The following CYFIP1 variants were observed in gnomAD, a reference collection of about 807,000 sequenced individuals.
CYFIP1 encodes cytoplasmic FMR1-interacting protein 1.
In CYFIP1, 58 loss-of-function variants were observed where a neutral mutation model predicts 163.5. The ratio of observed to expected loss-of-function variants is 0.35; its 90% CI spans 0.29 to 0.44. The LOEUF is 0.44. CYFIP1 is among the 20% of genes least tolerant of loss of function. The probability of loss-of-function intolerance (pLI) is 1.00; values close to 1 mark genes in which losing one functional copy is unlikely to be tolerated. For missense variants in CYFIP1, 1,338 were observed against 1,653.8 expected, an observed-to-expected ratio of 0.81 and a Z score of 3.31; for synonymous variants, 663 against 660.7, an observed-to-expected ratio of 1.00 and a Z score of -0.05.
chr15:22,910,549 C>T lies in CYFIP1; in HGVS notation c.2239G>A (p.Glu747Lys), dbSNP rs775125953. 1.5e-5 allele frequency: 24 copies of T among 1,613,978 alleles called. No homozygotes were observed. The highest frequency in any genetic ancestry group is 2.2e-5 in the East Asian group (1 of 44,900). Residue 747 changes from glutamate (E) to lysine (K), a missense_variant, in exon 20 of 31, where the codon GAG (glutamate) becomes AAG (lysine). Coordinates refer to ENST00000617928, the MANE Select transcript of CYFIP1 (RefSeq NM_014608.6). Reference sequence around the variant, plus strand: ...ACATGCCTCTGCTTCAGCAGCGTCTCGTAGCGGTTAGACGGCGGGAGGTGG... The same window carrying T: ...ACATGCCTCTGCTTCAGCAGCGTCTTGTAGCGGTTAGACGGCGGGAGGTGG... ...TIHLPPSNRY[E>K]TLLKQRHVQL...
chr15:22,938,086 C>T (rs780959886), intron 8 of CYFIP1, among the ~76,000 whole-genome samples: 13 of 152,192 alleles, frequency 8.5e-5, no homozygotes, highest in Non-Finnish European at 1.8e-4. Flanking sequence ...GGACACCCAG[C>T]AAAGGGTCCC....
At chr15:22,939,012 C>T (rs2061807335) in intron 8 of CYFIP1, among the ~76,000 whole-genome samples, 180 bp downstream of exon 8, 1 of 151,178 alleles carries the variant, frequency 6.6e-6, no homozygotes, top group African/African-American at 2.4e-5. Flanking sequence ...GTGTGACACA[C>T]TCATGGGGTG....
At chr15:22,919,492 A>G (rs908635652) in intron 13 of CYFIP1, among the ~76,000 whole-genome samples, 5 of 152,196 alleles carry the variant, frequency 3.3e-5, no homozygotes, top group African/African-American at 1.2e-4. Context: ...TTTGCCGTTT[A>G]TAAATATTTC....
chr15:22,965,036 TTG>T (rs56857768), intron 1 of CYFIP1, among the ~76,000 whole-genome samples: 4,327 of 149,222 alleles, frequency 0.029, 96 homozygotes, highest in African/African-American at 0.051. Context: ...TAGTATTCCA[TTG>T]TGTGTGTGTG....
rs766177290 is a variant in CYFIP1, at chr15:22,931,686, G to GAAAAAAAAA, written c.1110+528_1110+536dup. 1.7e-3 allele frequency among the ~76,000 whole-genome samples: 68 copies of GAAAAAAAAA among 39,706 alleles called. 10 individuals carry two copies. The highest frequency in any genetic ancestry group is 5.7e-3 in the African/African-American group (61 of 10,792). The allele number at this position is 39,706 out of a possible 152,430, so 26.0% of individuals were successfully genotyped here. On this transcript the variant is annotated intron_variant, in intron 11 of 30. Coordinates refer to ENST00000617928, the MANE Select transcript of CYFIP1 (RefSeq NM_014608.6). Reference sequence around the variant, plus strand: ...CTTGGGATCCCTATAATGTTTTTCTGAAAAAAAAAAAAAAAAAAAAAAAAG... The same window carrying GAAAAAAAAA: ...CTTGGGATCCCTATAATGTTTTTCTGAAAAAAAAAAAAAAAAAAAAAAAAAAAAAAAAAG...
At chr15:22,979,726 G>C (rs1255531404) in intron 1 of CYFIP1, among the ~76,000 whole-genome samples, 1 of 152,150 alleles carries the variant, frequency 6.6e-6, no homozygotes, top group African/African-American at 2.4e-5. Context: ...TAACGATCGC[G>C]CCTCCTTAAC....
intron 11 of CYFIP1, among the ~76,000 whole-genome samples, chr15:22,930,657 A>C (rs1011009005): frequency 6.6e-6 from 1 of 152,270 alleles, no homozygotes; most frequent in African/African-American, 2.4e-5. Context: ...AAAGGAAAAA[A>C]ACAAAAACTT....
rs1178133858 is a variant in CYFIP1, at chr15:22,868,463, T to C, written c.*1565A>G. ...AATTAAGCCTTATAAAACTTGGTAA[T>C]TGATTAAGTTTTACCATAATTTTTC... is the stretch of plus-strand genomic sequence containing the variant. On this transcript the variant is annotated 3_prime_UTR_variant, in exon 31 of 31. Coordinates refer to ENST00000617928, the MANE Select transcript of CYFIP1 (RefSeq NM_014608.6). 1 of 145,498 alleles carries C rather than the reference T, an allele frequency of 6.9e-6. No individual in the cohort carries two copies. Among genetic ancestry groups the C allele is most frequent in the Non-Finnish European group, 1.5e-5 (1 of 67,996 alleles). 9.0% of individuals were successfully genotyped at this position (145,498 alleles called of 1,614,324 possible).
chr15:22,918,883 C>A (rs745779821), intron 13 of CYFIP1, 25 bp from the exon 14 acceptor site: 22 of 1,558,156 alleles, frequency 1.4e-5, no homozygotes, highest in Non-Finnish European at 1.9e-5. Context: ...GCAACAGGGA[C>A]GGCCCTTCTT....
chr15:22,881,332 A>C (rs1430337135), intron 25 of CYFIP1, among the ~76,000 whole-genome samples: 1 of 152,224 alleles, frequency 6.6e-6, no homozygotes, highest in African/African-American at 2.4e-5. Flanking sequence ...CCTGTCATAC[A>C]ATTTTATGAG....
At chr15:22,896,840 A>G (rs1395332124) in intron 22 of CYFIP1, among the ~76,000 whole-genome samples, 1 of 152,012 alleles carries the variant, frequency 6.6e-6, no homozygotes, top group Non-Finnish European at 1.5e-5. Context: ...GGTTCTTGGC[A>G]TATCTAGTAA....
chr15:22,951,481 G>A lies in CYFIP1; in HGVS notation c.-6-4190C>T, dbSNP rs768744652. On this transcript the variant is annotated intron_variant, in intron 1 of 30. Transcript: ENST00000617928. ...CAGGCACCTCAGGGTGATGCCGCTC[G>A]GAGGGGCCAGGCTGCCTGAGGACGT... is the stretch of plus-strand genomic sequence containing the variant. 3.9e-6 allele frequency: 5 copies of A among 1,289,054 alleles called. No individual in the cohort carries two copies. The South Asian group carries it at 4.9e-5, about 13-fold the overall frequency. 79.9% of individuals were successfully genotyped at this position (1,289,054 alleles called of 1,614,324 possible). A position where few individuals can be genotyped will look rare whatever the true frequency, so the allele number is the denominator to read the frequency against.
At chr15:22,931,601 C>T (rs1825435643) in intron 11 of CYFIP1, among the ~76,000 whole-genome samples, 1 of 142,838 alleles carries the variant, frequency 7.0e-6, no homozygotes, top group South Asian at 2.2e-4. Flanking sequence ...TGCTTGGAAT[C>T]ACAGTACTAG....
At chr15:22,885,664 C>T (rs1188323747) in intron 23 of CYFIP1, among the ~76,000 whole-genome samples, 3 of 152,096 alleles carry the variant, frequency 2.0e-5, no homozygotes, top group Admixed American at 6.6e-5. Context: ...ACCTGGGAGG[C>T]GGAGGTTGCA....
At chr15:22,951,235 G>A (rs781436358) in intron 1 of CYFIP1, 28 of 852,350 alleles carry the variant, frequency 3.3e-5, no homozygotes, top group Non-Finnish European at 4.0e-5. Context: ...TCCCCGACAC[G>A]TAAGGGAACG....
At chr15:22,971,322 T>C (rs769265848) in intron 1 of CYFIP1, among the ~76,000 whole-genome samples, 1 of 152,082 alleles carries the variant, frequency 6.6e-6, no homozygotes, top group Non-Finnish European at 1.5e-5. Flanking sequence ...GAGGATCACT[T>C]GAGCTCAAGA....
chr15:22,878,666 T>C (rs2141859491), intron 26 of CYFIP1, among the ~76,000 whole-genome samples: 1 of 137,838 alleles, frequency 7.3e-6, no homozygotes, highest in South Asian at 2.3e-4. Context: ...CATGTGCAGA[T>C]GGTAGATTAA....
intron 4 of CYFIP1, 69 bp from the exon 5 acceptor site, chr15:22,944,728 G>A: frequency 1.3e-6 from 2 of 1,533,774 alleles, no homozygotes; most frequent in Admixed American, 1.7e-5. Context: ...TGGGCTTCTA[G>A]AGCTAGTGAT....
chr15:22,959,393 G>A (rs1373251443), intron 1 of CYFIP1, among the ~76,000 whole-genome samples: 3 of 152,332 alleles, frequency 2.0e-5, no homozygotes, highest in Admixed American at 2.0e-4. Flanking sequence ...ACCACAGAGG[G>A]GGCGCTCCCA....
Sources: allele counts gnomAD v4.1 joint callset (sites outside exome capture counted in the v4.1 genomes callset), GRCh38; gene constraint gnomAD v4.1.1; transcripts MANE v1.5; gene names NCBI Gene and HGNC (gene_info 2026-07-23, HGNC 2026-07-21).